PMFBP1: variants seen among roughly 807,000 people sequenced by gnomAD.
PMFBP1 encodes polyamine modulated factor 1 binding protein 1, also known as polyamine-modulated factor 1-binding protein 1.
Under a neutral mutation model 137.8 loss-of-function variants are expected in PMFBP1, and 131 were observed. That is an observed-to-expected ratio of 0.95 (90% CI 0.82 to 1.10). PMFBP1 has a LOEUF of 1.10. Among genes scored for constraint, PMFBP1 ranks in the 50% least tolerant of loss-of-function variants. PMFBP1 has a pLI of 0.00. For synonymous variants in PMFBP1, 490 were observed against 450.4 expected, an observed-to-expected ratio of 1.09 and a Z score of -1.11; for missense variants, 1,199 against 1,175.4, an observed-to-expected ratio of 1.02 and a Z score of -0.29.
the PMFBP1 span, among the ~76,000 whole-genome samples, chr16:72,246,895 G>A: frequency 6.6e-6 from 1 of 152,122 alleles, no homozygotes; most frequent in African/African-American, 2.4e-5. Flanking sequence ...CTATAAAGCA[G>A]TATAGAAATA....
At chr16:72,242,600 T>C in the PMFBP1 span, among the ~76,000 whole-genome samples, 7 of 152,332 alleles carry the variant, frequency 4.6e-5, no homozygotes, top group African/African-American at 1.2e-4. Context: ...TTGATTACAC[T>C]GCACTCAGCC....
Position 72,154,203 on chromosome 16 carries a change from G to C in PMFBP1, c.414+8C>G. On this transcript the variant is annotated splice_region_variant and intron_variant, in intron 4 of 20. Transcript: ENST00000237353. Reference sequence around the variant, plus strand: ...TGTGGGTTATTTCCATGGTTAATCTGTCTATACCTCATCTTCTTTCAGTTT... The same window carrying C: ...TGTGGGTTATTTCCATGGTTAATCTCTCTATACCTCATCTTCTTTCAGTTT... The C allele has an allele frequency of 1.9e-6, 3 of 1,613,786 alleles. No homozygotes were observed. The highest frequency in any genetic ancestry group is 2.5e-6 in the Non-Finnish European group (3 of 1,179,942).
chr16:72,140,722 CAA>C (rs1243194612), intron 5 of PMFBP1, 140 bp from the exon 6 acceptor site: 1 of 757,476 alleles, frequency 1.3e-6, no homozygotes, highest in African/African-American at 1.8e-5. Flanking sequence ...CTTAACAAAA[CAA>C]AAAATATTAA....
the PMFBP1 span, among the ~76,000 whole-genome samples, chr16:72,220,009 C>T: frequency 6.6e-6 from 1 of 152,012 alleles, no homozygotes; most frequent in East Asian, 1.9e-4. Context: ...GCCAGCTTAG[C>T]GAATGTTTTA....
At chr16:72,201,871 C>A in the PMFBP1 span, among the ~76,000 whole-genome samples, 2 of 152,206 alleles carry the variant, frequency 1.3e-5, no homozygotes, top group Non-Finnish European at 2.9e-5. Context: ...TCCACGAGGC[C>A]TTCACCAAGA....
intron 9 of PMFBP1, among the ~76,000 whole-genome samples, chr16:72,134,385 T>G (rs931837980): frequency 2.6e-5 from 4 of 152,200 alleles, no homozygotes; most frequent in South Asian, 4.1e-4. Context: ...GGTCTTGCCA[T>G]GTTGCCCAGG....
the PMFBP1 span, among the ~76,000 whole-genome samples, chr16:72,225,412 C>T: frequency 9.2e-5 from 14 of 152,020 alleles, no homozygotes; most frequent in Non-Finnish European, 1.3e-4. Flanking sequence ...CCCACTGGCC[C>T]GGCACAGTGG....
the PMFBP1 span, among the ~76,000 whole-genome samples, chr16:72,216,559 C>A: frequency 6.6e-6 from 1 of 152,120 alleles, no homozygotes; most frequent in East Asian, 1.9e-4. Context: ...GTCTAGAAAG[C>A]AGACTATTAG....
chr16:72,221,592 G>C, the PMFBP1 span, among the ~76,000 whole-genome samples: 1 of 152,186 alleles, frequency 6.6e-6, no homozygotes, highest in Non-Finnish European at 1.5e-5. Flanking sequence ...GTGACAGGCA[G>C]ATGAAGGGTG....
At chr16:72,232,640 T>C in the PMFBP1 span, among the ~76,000 whole-genome samples, 1 of 152,114 alleles carries the variant, frequency 6.6e-6, no homozygotes, top group African/African-American at 2.4e-5. Flanking sequence ...TAATGGTTAG[T>C]AGTAACTTTA....
intron 5 of PMFBP1, among the ~76,000 whole-genome samples, chr16:72,148,160 C>T (rs1409010628): frequency 6.6e-6 from 1 of 152,034 alleles, no homozygotes; most frequent in Non-Finnish European, 1.5e-5. Context: ...GAAAATGTGG[C>T]ACATATACAC....
the PMFBP1 span, among the ~76,000 whole-genome samples, chr16:72,221,513 G>A: frequency 1.6e-4 from 25 of 152,070 alleles, no homozygotes; most frequent in African/African-American, 5.6e-4. Context: ...GAATATTTTA[G>A]GATACAAAAT....
At chr16:72,173,274 TA>T (rs771287049), upstream of PMFBP1, among the ~76,000 whole-genome samples, 1 of 152,366 alleles carries the variant, frequency 6.6e-6, no homozygotes, top group Non-Finnish European at 1.5e-5. Flanking sequence ...CTCACCCAAG[TA>T]TCATACAAAA....
chr16:72,178,120 T>C (rs2043264737), upstream of PMFBP1, among the ~76,000 whole-genome samples: 1 of 152,152 alleles, frequency 6.6e-6, no homozygotes, highest in Admixed American at 6.5e-5. Flanking sequence ...CTCAAACTCC[T>C]GAGCTCAAGC....
the PMFBP1 span, among the ~76,000 whole-genome samples, chr16:72,207,209 A>G: frequency 2.0e-5 from 3 of 152,144 alleles, no homozygotes; most frequent in Non-Finnish European, 4.4e-5. Flanking sequence ...GGAGAGGCCA[A>G]TGAGAAGGCT....
At chr16:72,225,530 C>T in the PMFBP1 span, among the ~76,000 whole-genome samples, 7 of 151,588 alleles carry the variant, frequency 4.6e-5, no homozygotes, top group Non-Finnish European at 8.8e-5. Context: ...TGTCTTTACA[C>T]GGGGTCTCTA....
At chr16:72,181,879 A>T in the PMFBP1 span, among the ~76,000 whole-genome samples, 1 of 152,234 alleles carries the variant, frequency 6.6e-6, no homozygotes, top group South Asian at 2.1e-4. Context: ...AGGGGTGTCC[A>T]ATCTTTTGGC....
chr16:72,206,663 TG>T, the PMFBP1 span, among the ~76,000 whole-genome samples: 1 of 152,352 alleles, frequency 6.6e-6, no homozygotes, highest in Non-Finnish European at 1.5e-5. Context: ...GTGATATAGC[TG>T]GGATTCAAAT....
upstream of PMFBP1, among the ~76,000 whole-genome samples, chr16:72,172,807 T>C (rs2043233752): frequency 6.6e-6 from 1 of 152,124 alleles, no homozygotes; most frequent in Admixed American, 6.5e-5. Flanking sequence ...TAATTAAAAA[T>C]ACTTTGTTGC....
Sources: gnomAD v4.1 joint callset for allele counts (sites outside exome capture counted in the v4.1 genomes callset) on GRCh38, gnomAD v4.1.1 for gene constraint, MANE v1.5 for transcripts, NCBI Gene and HGNC (gene_info 2026-07-23, HGNC 2026-07-21) for gene names.